The following TTLL5 variants were observed in gnomAD, a reference collection of about 807,000 sequenced individuals.
TTLL5 encodes the protein tubulin polyglutamylase TTLL5.
Under a neutral mutation model 168.4 loss-of-function variants are expected in TTLL5, and 132 were observed. The ratio of observed to expected loss-of-function variants is 0.78; its 90% CI spans 0.68 to 0.91. The LOEUF is 0.91. Ranked by LOEUF, TTLL5 falls within the 40% of genes least tolerant of loss-of-function variation. The pLI is 0.00. For missense variants in TTLL5, 1,545 were observed against 1,581.5 expected, an observed-to-expected ratio of 0.98 and a Z score of 0.39; for synonymous variants, 546 against 558.6, an observed-to-expected ratio of 0.98 and a Z score of 0.32.
At chr14:75,690,343 G>T in intron 6 of TTLL5, 21 bp downstream of exon 6, 2 of 1,574,402 alleles carry the variant, frequency 1.3e-6, no homozygotes, top group African/African-American at 1.4e-5. Context: ...GACAGAGAAT[G>T]CCCCAGTCCC....
chr14:75,936,452 C>T (rs560132395), intron 31 of TTLL5, among the ~76,000 whole-genome samples: 1 of 152,192 alleles, frequency 6.6e-6, no homozygotes, highest in African/African-American at 2.4e-5. Context: ...CCATCCGTCT[C>T]TCTTCCTCGC....
At chr14:75,914,017 G>GAAAAAAAAAAAAAAA (rs1201862659) in intron 31 of TTLL5, among the ~76,000 whole-genome samples, 7 of 31,050 alleles carry the variant, frequency 2.3e-4, no homozygotes, top group African/African-American at 4.7e-4. Context: ...TGTTTAAAAG[G>GAAAAAAAAAAAAAAA]AAAAAAAAAA....
chr14:75,803,948 C>T (rs532841195), intron 27 of TTLL5, among the ~76,000 whole-genome samples: 1 of 152,258 alleles, frequency 6.6e-6, no homozygotes, highest in South Asian at 2.1e-4. Context: ...ACTGCAGGAC[C>T]CAGCTATCAT....
intron 5 of TTLL5, among the ~76,000 whole-genome samples, chr14:75,686,549 C>T (rs982085531): frequency 3.0e-4 from 45 of 152,168 alleles, no homozygotes; most frequent in African/African-American, 1.2e-4. Context: ...CATTTATAAA[C>T]GTGGATTAGA....
chr14:75,706,767 T>C (rs1488320039), intron 7 of TTLL5, among the ~76,000 whole-genome samples: 1 of 151,566 alleles, frequency 6.6e-6, no homozygotes, highest in African/African-American at 2.4e-5. Flanking sequence ...TATTTATTTA[T>C]TTATTTATTA....
At chr14:75,814,113 C>T (rs1040660187) in intron 27 of TTLL5, among the ~76,000 whole-genome samples, 5 of 152,184 alleles carry the variant, frequency 3.3e-5, no homozygotes, top group African/African-American at 4.8e-5. Flanking sequence ...ATTTGGGATG[C>T]TCAATTGGTA....
rs948170380 is a variant in TTLL5 at position 75,681,547 on chromosome 14, C to T, written c.184C>T (p.Arg62Cys). Residue 62 changes from arginine (R) to cysteine (C), a missense_variant and splice_region_variant, in exon 4 of 32, where the codon CGT becomes TGT. Physicochemically the swap from Arg to Cys is radical, Grantham distance 180. Transcript: ENST00000298832. ...KDNNIRVIGERYHLSYKIVRT... is the reference protein window; with the variant it reads ...KDNNIRVIGECYHLSYKIVRT... ...AACTTGATTCTGTTTTTCTTTAGAACGTTATCATTTGTCTTATAAGATTGT... is the reference window on the plus strand; with the variant it reads ...AACTTGATTCTGTTTTTCTTTAGAATGTTATCATTTGTCTTATAAGATTGT... 22 of 1,612,196 alleles carry T rather than the reference C, an allele frequency of 1.4e-5. No individual in the cohort carries two copies. The Middle Eastern group carries it at 1.3e-3, about 96-fold the overall frequency.
chr14:75,676,484 T>A (rs1451017021), intron 3 of TTLL5, among the ~76,000 whole-genome samples: 1 of 152,194 alleles, frequency 6.6e-6, no homozygotes, highest in African/African-American at 2.4e-5. Context: ...CCACCAGCCT[T>A]ATTGCACACA....
At chr14:75,798,081 CT>C (rs1893088967) in intron 27 of TTLL5, among the ~76,000 whole-genome samples, 2 of 151,872 alleles carry the variant, frequency 1.3e-5, no homozygotes, top group Non-Finnish European at 2.9e-5. Flanking sequence ...TCCTGGACTT[CT>C]TTTTATTGGC....
At chr14:75,665,807 G>A (rs1883209499) in intron 2 of TTLL5, among the ~76,000 whole-genome samples, 2 of 152,184 alleles carry the variant, frequency 1.3e-5, no homozygotes, top group African/African-American at 2.4e-5. Flanking sequence ...AGCCGAGATT[G>A]TGCCACTGTG....
intron 9 of TTLL5, chr14:75,709,285 A>T (rs1046091933): frequency 1.9e-5 from 14 of 736,194 alleles, no homozygotes; most frequent in Admixed American, 3.8e-5. Context: ...TTATTTTAGA[A>T]TGGTCTTTTA....
At chr14:75,840,363 T>G (rs1896155056) in intron 28 of TTLL5, among the ~76,000 whole-genome samples, 1 of 152,140 alleles carries the variant, frequency 6.6e-6, no homozygotes, top group African/African-American at 2.4e-5. Context: ...CTTGCATGCA[T>G]TAGGTATTAC....
intron 6 of TTLL5, among the ~76,000 whole-genome samples, chr14:75,697,156 T>C (rs891726128): frequency 3.9e-5 from 6 of 152,256 alleles, no homozygotes; most frequent in African/African-American, 7.2e-5. Flanking sequence ...TGTTTATGGC[T>C]ACTTTCAAGC....
chr14:75,869,821 A>ATTTTTTTTTTTTTTTTTTTTTT lies in TTLL5; in HGVS notation c.3522+5975_3522+5976insTTTTTTTTTTTTTTTTTTTTTT, dbSNP rs10658095. On this transcript the variant is annotated intron_variant, in intron 29 of 31. Coordinates refer to ENST00000298832, the MANE Select transcript of TTLL5 (RefSeq NM_015072.5). Reference sequence around the variant, plus strand: ...CTTGCAATGTATACATTCAACAAGTATTTTTTTTTTTTTTTTGCGATGGAG... The same window carrying ATTTTTTTTTTTTTTTTTTTTTT: ...CTTGCAATGTATACATTCAACAAGTATTTTTTTTTTTTTTTTTTTTTTTTTTTTTTTTTTTTTTGCGATGGAG... Among the ~76,000 whole-genome samples, 13 of 82,422 alleles carry ATTTTTTTTTTTTTTTTTTTTTT rather than the reference A, an allele frequency of 1.6e-4. 2 individuals carry two copies. Among genetic ancestry groups the ATTTTTTTTTTTTTTTTTTTTTT allele is most frequent in the East Asian group, 4.3e-4 (1 of 2,318 alleles). 54.1% of individuals were successfully genotyped at this position (82,422 alleles called of 152,430 possible).
At chr14:75,820,341 T>G (rs1894754167) in intron 28 of TTLL5, among the ~76,000 whole-genome samples, 180 bp downstream of exon 28, 1 of 152,204 alleles carries the variant, frequency 6.6e-6, no homozygotes, top group Admixed American at 6.5e-5. Flanking sequence ...AAGACAGTTT[T>G]CAAGCATATC....
At chr14:75,793,491 T>G (rs1167448999) in intron 27 of TTLL5, among the ~76,000 whole-genome samples, 1 of 152,212 alleles carries the variant, frequency 6.6e-6, no homozygotes, top group Non-Finnish European at 1.5e-5. Context: ...AAAAATTTTT[T>G]TCTATACTGC....
chr14:75,850,790 G>A (rs1051890128), intron 28 of TTLL5, among the ~76,000 whole-genome samples: 28 of 151,988 alleles, frequency 1.8e-4, no homozygotes, highest in African/African-American at 6.5e-4. Flanking sequence ...TAAGGGTTTA[G>A]GTTGACTTTA....
chr14:75,799,374 G>A (rs1187970485), intron 27 of TTLL5, among the ~76,000 whole-genome samples: 1 of 152,132 alleles, frequency 6.6e-6, no homozygotes, highest in Non-Finnish European at 1.5e-5. Context: ...TTATGTGTTA[G>A]ATGAGTTTCC....
intron 6 of TTLL5, among the ~76,000 whole-genome samples, chr14:75,694,016 A>C (rs894504835): frequency 6.6e-5 from 10 of 152,242 alleles, no homozygotes; most frequent in African/African-American, 2.4e-4. Context: ...TACAACTCAG[A>C]TCTTTCTACT....
Sources: allele counts gnomAD v4.1 joint callset (sites outside exome capture counted in the v4.1 genomes callset), GRCh38; gene constraint gnomAD v4.1.1; transcripts MANE v1.5; gene names NCBI Gene and HGNC (gene_info 2026-07-23, HGNC 2026-07-21).